Variants in OR11G2 observed in about 807,000 individuals in gnomAD.
OR11G2 encodes the protein olfactory receptor 11G2.
In OR11G2, 2 loss-of-function variants were observed where a neutral mutation model predicts 0.9. The observed-to-expected ratio is 2.35, with a 90% confidence interval of 0.96 to 7.38. OR11G2 has a LOEUF of 7.38. Among genes scored for constraint, OR11G2 ranks in the 30% most tolerant of loss-of-function variants. The probability of loss-of-function intolerance (pLI) is 0.05; values close to 1 mark genes in which losing one functional copy is unlikely to be tolerated. For synonymous variants in OR11G2, 153 were observed against 142.0 expected (o/e 1.08, Z -0.55); for missense variants, 395 against 371.3 (o/e 1.06, Z -0.52).
rs1368541419 is a variant in OR11G2, at chr14:20,197,636, C to G, written c.199C>G (p.Leu67Val). 6.2e-7 allele frequency: 1 copy of G among 1,614,168 alleles called. No homozygotes were observed. Among genetic ancestry groups the G allele is most frequent in the Non-Finnish European group, 8.5e-7 (1 of 1,180,024 alleles). Residue 67 changes from leucine to valine, a missense_variant, in exon 2 of 2, where the codon CTC becomes GTC. Transcript: ENST00000641879. ...ACTCCACGCCCCCATGTACATCCTG[C>G]TCGCCAACTTCTCCTTCTTGGAGAT... ...QRLHAPMYILLANFSFLEICY... is the reference protein window; with the variant it reads ...QRLHAPMYILVANFSFLEICY...
rs1879641878 is a variant in OR11G2 at position 20,191,073 on chromosome 14, G to A, written c.-598G>A. On this transcript the variant is annotated 5_prime_UTR_variant, in exon 1 of 2. An upstream start codon of the reference 5' UTR is lost. Coordinates refer to ENST00000641879, the MANE Select transcript of OR11G2 (RefSeq NM_001386033.1). ...TCCCCTTTTGTCCATGAAAGGAGAT[G>A]ATGCAATGGACAAAGTTTCCAGGAT... The A allele has an allele frequency of 6.6e-6, 1 of 152,208 alleles. No homozygotes were observed. Among genetic ancestry groups the A allele is most frequent in the Non-Finnish European group, 1.5e-5 (1 of 68,046 alleles). 9.4% of individuals were successfully genotyped at this position (152,208 alleles called of 1,614,324 possible).
chr14:20,193,849 G>T (rs1322993057), intron 1 of OR11G2, among the ~76,000 whole-genome samples: 1 of 152,212 alleles, frequency 6.6e-6, no homozygotes, highest in Non-Finnish European at 1.5e-5. Context: ...GAATCCCTCG[G>T]TATGGAATTG....
intron 1 of OR11G2, among the ~76,000 whole-genome samples, chr14:20,195,845 A>G (rs1330215407): frequency 6.6e-6 from 1 of 152,204 alleles, no homozygotes; most frequent in Non-Finnish European, 1.5e-5. Flanking sequence ...AAAAACAAAC[A>G]TAAGTTTATG....
intron 1 of OR11G2, among the ~76,000 whole-genome samples, chr14:20,194,063 G>C (rs1879706277): frequency 6.6e-6 from 1 of 152,196 alleles, no homozygotes; most frequent in South Asian, 2.1e-4. Context: ...ATGTGTGTGA[G>C]AGAGAGAAAG....
chr14:20,197,508 C>T lies in OR11G2; in HGVS notation c.71C>T (p.Pro24Leu). The change falls in exon 2 of 2, where the codon CCC becomes CTC. Residue 24 changes from proline to leucine, a missense_variant. Coordinates refer to ENST00000641879, the MANE Select transcript of OR11G2 (RefSeq NM_001386033.1). ...TTCATCCTCCTGGGCTTCCCTTGCCCCAGGGAGGGGCAGATCCTCCTCTTT... is the reference window on the plus strand; with the variant it reads ...TTCATCCTCCTGGGCTTCCCTTGCCTCAGGGAGGGGCAGATCCTCCTCTTT... ...TGFILLGFPCPREGQILLFVL... is the reference protein window; with the variant it reads ...TGFILLGFPCLREGQILLFVL... The T allele has an allele frequency of 6.2e-7, 1 of 1,614,036 alleles. No individual in the cohort carries two copies. Among genetic ancestry groups the T allele is most frequent in the Middle Eastern group, 1.7e-4 (1 of 6,018 alleles).
intron 1 of OR11G2, among the ~76,000 whole-genome samples, chr14:20,193,268 C>T (rs568219794): frequency 6.6e-6 from 1 of 152,156 alleles, no homozygotes; most frequent in African/African-American, 2.4e-5. Context: ...ACAGGTGGTG[C>T]GTGCCTCCAA....
At chr14:20,197,193 AGTTTTC>A in intron 1 of OR11G2, 1 of 592,940 alleles carries the variant, frequency 1.7e-6, no homozygotes, top group Non-Finnish European at 2.9e-6. Context: ...TTTGGTCAAA[AGTTTTC>A]TTGAGCCTAT....
At chr14:20,191,987 G>A (rs1049289644) in intron 1 of OR11G2, among the ~76,000 whole-genome samples, 2 of 151,130 alleles carry the variant, frequency 1.3e-5, no homozygotes, top group African/African-American at 4.9e-5. Context: ...CTGCCTCCCG[G>A]GTTCAGTTGA....
At position 20,197,670 on chromosome 14, in the gene OR11G2, T is replaced by A. The variant is rs1355824690; in HGVS notation, c.233T>A (p.Val78Asp). The A allele has an allele frequency of 6.2e-7, 1 of 1,614,016 alleles. No individual in the cohort carries two copies. Among genetic ancestry groups the A allele is most frequent in the Non-Finnish European group, 8.5e-7 (1 of 1,179,898 alleles). ...TTCTCCTTCTTGGAGATATGTTATG[T>A]CACCTCCACAGTCCCCAGCATGCTG... ...ANFSFLEICYVTSTVPSMLAN... is the reference protein window; with the variant it reads ...ANFSFLEICYDTSTVPSMLAN... The change falls in exon 2 of 2, where the codon GTC (valine) becomes GAC (aspartate). Residue 78 changes from valine to aspartate, a missense_variant. Val to Asp is a radical substitution (Grantham distance 152). Transcript: ENST00000641879.
At chr14:20,196,289 A>G (rs935077611) in intron 1 of OR11G2, among the ~76,000 whole-genome samples, 3 of 152,214 alleles carry the variant, frequency 2.0e-5, no homozygotes, top group Non-Finnish European at 4.4e-5. Context: ...CTTATGCCAA[A>G]GTGGCATGTT....
At chr14:20,191,861 C>T (rs1053545124) in intron 1 of OR11G2, among the ~76,000 whole-genome samples, 195 bp downstream of exon 1, 1 of 149,384 alleles carries the variant, frequency 6.7e-6, no homozygotes, top group African/African-American at 2.5e-5. Context: ...ATTTTGCCTT[C>T]GTGTATAAAT....
chr14:20,193,213 G>A (rs2873830), intron 1 of OR11G2, among the ~76,000 whole-genome samples: 103,988 of 152,114 alleles, frequency 0.68, 35,811 homozygotes, highest in African/African-American at 0.77. Context: ...TGCCTCCTGG[G>A]TTCAGGCAAA....
At chr14:20,194,420 A>T (rs1879712462) in intron 1 of OR11G2, among the ~76,000 whole-genome samples, 1 of 152,200 alleles carries the variant, frequency 6.6e-6, no homozygotes, top group African/African-American at 2.4e-5. Flanking sequence ...AAAAGGAATT[A>T]TTTGTGAATG....
In OR11G2 at chr14:20,200,965, C is replaced by G. The variant is rs1299427577; in HGVS notation, c.*2592C>G. 6.6e-6 allele frequency: 1 copy of G among 152,080 alleles called. No homozygotes were observed. The highest frequency in any genetic ancestry group is 2.4e-5 in the African/African-American group (1 of 41,408). The allele number at this position is 152,080 out of a possible 1,614,324, so 9.4% of individuals were successfully genotyped here. On this transcript the variant is annotated 3_prime_UTR_variant, in exon 2 of 2. Transcript: ENST00000641879. Reference sequence around the variant, plus strand: ...TGAAAGAGCTCCAAAAAACTGATAACAATGGTTGCTTCAGGCAAGAAGAAT... The same window carrying G: ...TGAAAGAGCTCCAAAAAACTGATAAGAATGGTTGCTTCAGGCAAGAAGAAT...
In OR11G2 at chr14:20,198,442, G is replaced by T; in HGVS notation, c.*69G>T. 3 of 1,211,524 alleles carry T rather than the reference G, an allele frequency of 2.5e-6. No individual in the cohort carries two copies. Among genetic ancestry groups the T allele is most frequent in the Non-Finnish European group, 3.5e-6 (3 of 862,670 alleles). The allele number at this position is 1,211,524 out of a possible 1,614,324, so 75.0% of individuals were successfully genotyped here. On this transcript the variant is annotated 3_prime_UTR_variant, in exon 2 of 2. Coordinates refer to ENST00000641879, the MANE Select transcript of OR11G2 (RefSeq NM_001386033.1). ...ATTTTGGGGTTTAAAAAAAAAACTGGTCTTGGCCAGGCGCGGTGGCTTACG... is the reference window on the plus strand; with the variant it reads ...ATTTTGGGGTTTAAAAAAAAAACTGTTCTTGGCCAGGCGCGGTGGCTTACG...
intron 1 of OR11G2, among the ~76,000 whole-genome samples, chr14:20,194,529 G>A (rs1879714718): frequency 6.6e-6 from 1 of 152,104 alleles, no homozygotes; most frequent in African/African-American, 2.4e-5. Flanking sequence ...CAAATTATTC[G>A]ACTGTTGAGC....
intron 1 of OR11G2, 31 bp downstream of exon 1, chr14:20,191,697 T>A (rs1465515382): frequency 6.6e-6 from 1 of 152,206 alleles, no homozygotes; most frequent in African/African-American, 2.4e-5. Context: ...GTTAGAAATA[T>A]CTTTTTTCTG....
intron 1 of OR11G2, among the ~76,000 whole-genome samples, chr14:20,194,354 G>T (rs1405187674): frequency 6.6e-6 from 1 of 152,136 alleles, no homozygotes; most frequent in Non-Finnish European, 1.5e-5. Flanking sequence ...CTAGGATGTT[G>T]GCAGTGGAGA....
rs1448290033 is a variant in OR11G2 at position 20,198,177 on chromosome 14, C to G, written c.740C>G (p.Ser247Cys). 6.2e-7 allele frequency: 1 copy of G among 1,614,144 alleles called. No homozygotes were observed. Residue 247 changes from serine (S) to cysteine (C), a missense_variant, in exon 2 of 2, where the codon TCT (serine) becomes TGT (cysteine). Coordinates refer to ENST00000641879, the MANE Select transcript of OR11G2 (RefSeq NM_001386033.1). Reference protein sequence around the residue: ...GRRKAFSTCGSHLAVVSLFYG... With the variant: ...GRRKAFSTCGCHLAVVSLFYG... ...AGAAAGGCTTTCTCCACCTGTGGGT[C>G]TCACCTGGCTGTGGTTTCACTGTTC... is the stretch of plus-strand genomic sequence containing the variant.
Sources: gnomAD v4.1 joint callset for allele counts (sites outside exome capture counted in the v4.1 genomes callset) on GRCh38, gnomAD v4.1.1 for gene constraint, MANE v1.5 for transcripts, NCBI Gene and HGNC (gene_info 2026-07-23, HGNC 2026-07-21) for gene names.